RAF1: variants seen among roughly 807,000 people sequenced by gnomAD.
RAF1 encodes Raf-1 proto-oncogene, serine/threonine kinase.
Under a neutral mutation model 81.1 loss-of-function variants are expected in RAF1, and 27 were observed. The ratio of observed to expected loss-of-function variants is 0.33; its 90% CI spans 0.25 to 0.46. The LOEUF (loss-of-function observed/expected upper bound fraction) is 0.46, where lower values mean the gene tolerates loss of function less well. Ranked by LOEUF, RAF1 falls within the 20% of genes least tolerant of loss-of-function variation. RAF1 has a pLI of 1.00. For missense variants in RAF1, 598 were observed against 826.0 expected, an observed-to-expected ratio of 0.72 and a Z score of 3.38; for synonymous variants, 298 against 294.0, an observed-to-expected ratio of 1.01 and a Z score of -0.14.
chr3:12,657,089 T>C (rs1353698868), intron 1 of RAF1, among the ~76,000 whole-genome samples: 1 of 152,052 alleles, frequency 6.6e-6, no homozygotes, highest in African/African-American at 2.4e-5. Context: ...GAACTTGCCT[T>C]ATGCTGCACC....
At chr3:12,613,426 C>T (rs534667289) in intron 2 of RAF1, among the ~76,000 whole-genome samples, 2 of 151,864 alleles carry the variant, frequency 1.3e-5, no homozygotes, top group South Asian at 4.2e-4. Flanking sequence ...GCCATCCCCC[C>T]CCACACCCCG....
chr3:12,628,750 TTG>T (rs1491324223), intron 1 of RAF1, among the ~76,000 whole-genome samples: 2 of 41,394 alleles, frequency 4.8e-5, no homozygotes, highest in Non-Finnish European at 1.1e-4. Flanking sequence ...GAGACTATTT[TTG>T]GGGGGGGGGG....
chr3:12,628,805 G>A (rs2059786117), intron 1 of RAF1, among the ~76,000 whole-genome samples: 1 of 151,412 alleles, frequency 6.6e-6, no homozygotes, highest in Non-Finnish European at 1.5e-5. Flanking sequence ...AGGCTAGAGG[G>A]CAGTGGTGCA....
At chr3:12,629,309 A>C (rs1440715281) in intron 1 of RAF1, among the ~76,000 whole-genome samples, 3 of 152,190 alleles carry the variant, frequency 2.0e-5, no homozygotes, top group Non-Finnish European at 4.4e-5. Context: ...ATCTGAACAA[A>C]AACAATAAGT....
chr3:12,609,444 T>C (rs2059143534), intron 3 of RAF1, 109 bp from the exon 4 acceptor site: 1 of 732,088 alleles, frequency 1.4e-6, no homozygotes, highest in African/African-American at 1.8e-5. Flanking sequence ...CTTTATTTAA[T>C]CCATACAACA....
At chr3:12,589,402 G>A (rs1314649692) in intron 13 of RAF1, 7 of 152,158 alleles carry the variant, frequency 4.6e-5, no homozygotes, top group Non-Finnish European at 8.8e-5. Context: ...GAATTTTAAA[G>A]ACAGTGTGAG....
chr3:12,653,455 A>T (rs150790230), intron 1 of RAF1, among the ~76,000 whole-genome samples: 1 of 152,048 alleles, frequency 6.6e-6, no homozygotes, highest in Non-Finnish European at 1.5e-5. Flanking sequence ...GTAAAAAGTG[A>T]TATCTCTTGG....
intron 2 of RAF1, among the ~76,000 whole-genome samples, chr3:12,617,958 A>G (rs144425565): frequency 6.5e-4 from 99 of 152,254 alleles, no homozygotes; most frequent in Non-Finnish European, 1.2e-3. Flanking sequence ...CATGATGCCA[A>G]TATGAACCTG....
chr3:12,604,340 TG>T (rs1163226846), intron 6 of RAF1, 51 bp from the exon 7 acceptor site: 2 of 1,581,806 alleles, frequency 1.3e-6, no homozygotes, highest in Admixed American at 1.8e-5. Context: ...TTCATACTGG[TG>T]AAGTCTTTCA....
At position 12,626,985 on chromosome 3, in the gene RAF1, T is replaced by C. The variant is rs972723987; in HGVS notation, c.-26-8238A>G. ...GTTATAGTCAGCCAAAACTGTGCCA[T>C]TGCACTCCAGCCTGGGTGACAGCGA... is the stretch of plus-strand genomic sequence containing the variant. On this transcript the variant is annotated intron_variant, in intron 1 of 17. Transcript: ENST00000442415. Among the ~76,000 whole-genome samples the C allele has an allele frequency of 3.7e-4, 54 of 147,660 alleles. No homozygotes were observed. In the East Asian group the frequency reaches 8.0e-3, roughly 22 times the overall value.
intron 1 of RAF1, among the ~76,000 whole-genome samples, chr3:12,650,145 CAAAAA>C (rs36098034): frequency 3.9e-5 from 3 of 76,972 alleles, no homozygotes; most frequent in African/African-American, 4.9e-5. Flanking sequence ...GACTCCATCT[CAAAAA>C]AAAAAAAAAA....
chr3:12,655,349 G>T (rs1173077255), intron 1 of RAF1, among the ~76,000 whole-genome samples: 1 of 152,134 alleles, frequency 6.6e-6, no homozygotes, highest in Non-Finnish European at 1.5e-5. Context: ...GCCTCCCAAA[G>T]TGCTGGGATT....
intron 1 of RAF1, among the ~76,000 whole-genome samples, chr3:12,633,083 C>T (rs866905586): frequency 1.3e-5 from 2 of 152,142 alleles, no homozygotes; most frequent in African/African-American, 4.8e-5. Context: ...CTCATCCATG[C>T]ACCCAAAGAT....
In RAF1 at chr3:12,611,678, C is replaced by T. The variant is rs186943805; in HGVS notation, c.320+272G>A. On this transcript the variant is annotated intron_variant, in intron 3 of 17. Transcript: ENST00000442415. ...TCGCGCCACTGCACTCCAGCCTGGG[C>T]GACAGAGCAAGACTCCACCTCAAAA... is the stretch of plus-strand genomic sequence containing the variant. Among the ~76,000 whole-genome samples, 10 of 152,032 alleles carry T rather than the reference C, an allele frequency of 6.6e-5. No individual in the cohort carries two copies. The East Asian group carries it at 1.7e-3, about 27-fold the overall frequency.
At chr3:12,625,858 G>C (rs2059687246) in intron 1 of RAF1, among the ~76,000 whole-genome samples, 1 of 152,020 alleles carries the variant, frequency 6.6e-6, no homozygotes, top group Non-Finnish European at 1.5e-5. Context: ...CATAATTTAA[G>C]AATAAGGTCA....
At chr3:12,610,656 C>T (rs574017953) in intron 3 of RAF1, among the ~76,000 whole-genome samples, 5 of 152,336 alleles carry the variant, frequency 3.3e-5, no homozygotes, top group Non-Finnish European at 5.9e-5. Context: ...ACACTCACCC[C>T]TTCGAGTAGA....
At chr3:12,587,537 GT>G in intron 14 of RAF1, 53 bp downstream of exon 13, 10 of 1,509,154 alleles carry the variant, frequency 6.6e-6, no homozygotes, top group Non-Finnish European at 8.3e-6. Flanking sequence ...CCTCCCTTCT[GT>G]TTCCCTAAAT....
At chr3:12,659,447 T>TAAAAAAAAAAAAAAAAAAAA (rs1553625806) in intron 1 of RAF1, among the ~76,000 whole-genome samples, 3 of 33,160 alleles carry the variant, frequency 9.0e-5, no homozygotes, top group African/African-American at 2.6e-4. Context: ...AAAAAAAAAT[T>TAAAAAAAAAAAAAAAAAAAA]ACACGCAAGA....
At chr3:12,641,703 G>T (rs1444547007) in intron 1 of RAF1, among the ~76,000 whole-genome samples, 1 of 151,920 alleles carries the variant, frequency 6.6e-6, no homozygotes, top group African/African-American at 2.4e-5. Flanking sequence ...TGTTGCACAA[G>T]TTGGTCTTGA....
Sources: gnomAD v4.1 joint callset for allele counts (sites outside exome capture counted in the v4.1 genomes callset) on GRCh38, gnomAD v4.1.1 for gene constraint, MANE v1.5 for transcripts, NCBI Gene and HGNC (gene_info 2026-07-23, HGNC 2026-07-21) for gene names.